Variants in IPO9 observed in about 807,000 individuals in gnomAD.
The protein encoded by IPO9 is importin-9.
A neutral mutation model predicts 128.6 loss-of-function variants in IPO9; 28 were observed. The ratio of observed to expected loss-of-function variants is 0.22; its 90% CI spans 0.16 to 0.30. The LOEUF (loss-of-function observed/expected upper bound fraction) is 0.30, where lower values mean the gene tolerates loss of function less well. Ranked by LOEUF, IPO9 falls within the 10% of genes least tolerant of loss-of-function variation. The pLI is 1.00. For synonymous variants in IPO9, 455 were observed against 475.8 expected (o/e 0.96, Z 0.57); for missense variants, 935 against 1,293.9 (o/e 0.72, Z 4.26).
intron 14 of IPO9, among the ~76,000 whole-genome samples, chr1:201,866,244 G>A (rs1291418598): frequency 6.6e-6 from 1 of 151,906 alleles, no homozygotes; most frequent in Non-Finnish European, 1.5e-5. Flanking sequence ...ACCTGCCTTG[G>A]CCCCCCAAAG....
chr1:201,849,715 G>A (rs965438803), intron 4 of IPO9, among the ~76,000 whole-genome samples: 4 of 152,110 alleles, frequency 2.6e-5, no homozygotes, highest in Non-Finnish European at 5.9e-5. Flanking sequence ...CCTCTTCTCA[G>A]ACCCCAGCTG....
At position 201,863,540 on chromosome 1, in the gene IPO9, A is replaced by G; in HGVS notation, c.1561A>G (p.Thr521Ala). Residue 521 changes from threonine to alanine, a missense_variant, in exon 14 of 24, where the codon ACA becomes GCA. By Grantham distance (58) the Thr-to-Ala change is moderately conservative. Transcript: ENST00000361565. ...PELIQQFLQA[T>A]VSGLHETQPP... ...ACTGATCCAGCAGTTCCTACAGGCA[A>G]CAGTTAGTGGTCTTCACGAGACACA... The G allele has an allele frequency of 6.2e-7, 1 of 1,608,014 alleles. No individual in the cohort carries two copies. The highest frequency in any genetic ancestry group is 8.5e-7 in the Non-Finnish European group (1 of 1,175,022).
chr1:201,868,806 CGTGTGTGTGTGTGT>C lies in IPO9; in HGVS notation c.2004+20_2004+33del. 1 of 1,347,966 alleles carries C rather than the reference CGTGTGTGTGTGTGT, an allele frequency of 7.4e-7. No individual in the cohort carries two copies. Among genetic ancestry groups the C allele is most frequent in the East Asian group, 2.4e-5 (1 of 41,408 alleles). The allele number at this position is 1,347,966 out of a possible 1,614,324, so 83.5% of individuals were successfully genotyped here. On this transcript the variant is annotated intron_variant, in intron 16 of 23. Transcript: ENST00000361565. ...TGCAGGGCTTTGTGCGGTAAGTGGC[CGTGTGTGTGTGTGT>C]GTGTGTGTGAGAGAGATCTACAAGT... is the stretch of plus-strand genomic sequence containing the variant.
chr1:201,842,138 G>C (rs967112322), intron 1 of IPO9, among the ~76,000 whole-genome samples: 2 of 152,218 alleles, frequency 1.3e-5, no homozygotes, highest in Middle Eastern at 3.4e-3. Flanking sequence ...TAGGCCTCTG[G>C]AACTTCTAAC....
intron 14 of IPO9, among the ~76,000 whole-genome samples, chr1:201,865,247 C>T (rs1035659134): frequency 1.4e-5 from 2 of 142,166 alleles, no homozygotes; most frequent in African/African-American, 2.7e-5. Context: ...TGCTGTCTGT[C>T]GCCCAGGCTG....
At chr1:201,873,035 A>G (rs1278913164) in intron 20 of IPO9, 74 bp downstream of exon 20, 6 of 1,474,190 alleles carry the variant, frequency 4.1e-6, no homozygotes, top group Non-Finnish European at 5.5e-6. Context: ...AAGGGAAGGA[A>G]TGCACTGTGG....
intron 1 of IPO9, among the ~76,000 whole-genome samples, chr1:201,832,934 A>G (rs61821755): frequency 0.083 from 12,700 of 152,340 alleles, 847 homozygotes; most frequent in East Asian, 0.31. Flanking sequence ...GACAGGCAAG[A>G]GAAGTTGACA....
chr1:201,867,124 G>A (rs1235579349), intron 15 of IPO9, among the ~76,000 whole-genome samples, 165 bp downstream of exon 15: 1 of 152,148 alleles, frequency 6.6e-6, no homozygotes, highest in East Asian at 1.9e-4. Flanking sequence ...GAATTGTGCT[G>A]TAAATGTAGC....
intron 1 of IPO9, among the ~76,000 whole-genome samples, chr1:201,837,508 G>A (rs1259566794): frequency 6.6e-6 from 1 of 152,124 alleles, no homozygotes; most frequent in Non-Finnish European, 1.5e-5. Context: ...GTGAGCCTCA[G>A]TATTACCCTA....
chr1:201,841,977 A>G (rs912927980), intron 1 of IPO9, among the ~76,000 whole-genome samples: 19 of 152,220 alleles, frequency 1.2e-4, no homozygotes, highest in Admixed American at 2.6e-4. Flanking sequence ...TCTCCCCACC[A>G]GCAAACAAGC....
At chr1:201,829,873 A>C (rs1242707257) in intron 1 of IPO9, among the ~76,000 whole-genome samples, 2 of 152,096 alleles carry the variant, frequency 1.3e-5, no homozygotes, top group African/African-American at 4.8e-5. Flanking sequence ...TGAGTTATAA[A>C]CCTAGCTAGT....
At chr1:201,845,484 T>C (rs1680110535) in intron 1 of IPO9, among the ~76,000 whole-genome samples, 1 of 152,232 alleles carries the variant, frequency 6.6e-6, no homozygotes, top group Non-Finnish European at 1.5e-5. Context: ...TTGTGACCTA[T>C]GTATCTACCA....
At chr1:201,834,207 C>CTTTTTTTTTT (rs71141418) in intron 1 of IPO9, among the ~76,000 whole-genome samples, 1 of 111,290 alleles carries the variant, frequency 9.0e-6, no homozygotes, top group Non-Finnish European at 2.0e-5. Context: ...CTTTTCTTTT[C>CTTTTTTTTTT]TTTTTTTTTT....
intron 1 of IPO9, among the ~76,000 whole-genome samples, chr1:201,836,373 ATTAGTTTGTTTC>A (rs1172236183): frequency 1.3e-5 from 2 of 152,034 alleles, no homozygotes; most frequent in Non-Finnish European, 2.9e-5. Context: ...CCTTCTTTGC[ATTAGTTTGTTTC>A]TTAGTTTGTT....
intron 16 of IPO9, 139 bp downstream of exon 16, chr1:201,868,935 A>C: frequency 7.8e-7 from 1 of 1,287,558 alleles, no homozygotes; most frequent in Non-Finnish European, 1.0e-6. Context: ...CTGCAAGGAC[A>C]GTGGGTGATT....
chr1:201,841,166 G>A (rs1384654516), intron 1 of IPO9, among the ~76,000 whole-genome samples: 4 of 152,008 alleles, frequency 2.6e-5, no homozygotes, highest in Non-Finnish European at 5.9e-5. Flanking sequence ...TTAGGTGAGA[G>A]GAAGAACTAA....
At position 201,848,438 on chromosome 1, in the gene IPO9, T is replaced by C. The variant is rs775722609; in HGVS notation, c.358T>C (p.Ser120Pro). The change falls in exon 4 of 24, where the codon TCG becomes CCG. Residue 120 changes from serine to proline, a missense_variant. By Grantham distance (74) the Ser-to-Pro change is moderately conservative. Coordinates refer to ENST00000361565, the MANE Select transcript of IPO9 (RefSeq NM_018085.5). ...RELLPNGLRE[S>P]ISKVRSSVAY... ...GCTATTGCCTAATGGGTTGAGAGAATCGATAAGCAAAGTGCGCTCCAGTGT... is the reference window on the plus strand; with the variant it reads ...GCTATTGCCTAATGGGTTGAGAGAACCGATAAGCAAAGTGCGCTCCAGTGT... The C allele has an allele frequency of 6.2e-7, 1 of 1,614,172 alleles. No individual in the cohort carries two copies. Among genetic ancestry groups the C allele is most frequent in the Non-Finnish European group, 8.5e-7 (1 of 1,180,032 alleles).
At position 201,855,913 on chromosome 1, in the gene IPO9, C is replaced by T. The variant is rs745997712; in HGVS notation, c.1101C>T (p.Tyr367=). ...AATTGATTTATTATATTATCCTGTA[C>T]ATGCAAATCACTGAGGAGCAGGTAA... The part of the protein sequence containing the change: ...LPELIYYIIL[Y]MQITEEQIKV... Residue 367 remains tyrosine, a synonymous_variant, in exon 10 of 24, where the codon TAC becomes TAT. Coordinates refer to ENST00000361565, the MANE Select transcript of IPO9 (RefSeq NM_018085.5). 2.5e-6 allele frequency: 4 copies of T among 1,592,904 alleles called. No homozygotes were observed. The highest frequency in any genetic ancestry group is 2.6e-6 in the Non-Finnish European group (3 of 1,174,742).
intron 8 of IPO9, 69 bp from the exon 9 acceptor site, chr1:201,855,055 A>G (rs1446315677): frequency 1.5e-6 from 2 of 1,297,042 alleles, no homozygotes; most frequent in Non-Finnish European, 2.2e-6. Context: ...GTGTTGGAAT[A>G]TGTAACATTT....
Sources: allele counts gnomAD v4.1 joint callset (sites outside exome capture counted in the v4.1 genomes callset), GRCh38; gene constraint gnomAD v4.1.1; transcripts MANE v1.5; gene names NCBI Gene and HGNC (gene_info 2026-07-23, HGNC 2026-07-21).